Variants in ZGPAT observed in about 807,000 individuals in gnomAD.
ZGPAT encodes zinc finger CCCH-type and G-patch domain containing.
Under a neutral mutation model 47.9 loss-of-function variants are expected in ZGPAT, and 39 were observed. The observed-to-expected ratio is 0.81, with a 90% CI of 0.63 to 1.06. ZGPAT has a LOEUF of 1.06. Among genes scored for constraint, ZGPAT ranks in the 50% least tolerant of loss-of-function variants. ZGPAT has a pLI of 0.00. For synonymous variants in ZGPAT, 348 were observed against 292.9 expected (o/e 1.19, Z -1.92); for missense variants, 717 against 681.4 (o/e 1.05, Z -0.58).
At chr20:63,713,442 G>A (rs2091691612) in intron 2 of ZGPAT, among the ~76,000 whole-genome samples, 1 of 151,844 alleles carries the variant, frequency 6.6e-6, no homozygotes. Flanking sequence ...ATGTAGCCAG[G>A]ATGGTCTCGA....
chr20:63,734,971 CG>C, intron 5 of ZGPAT, 147 bp downstream of exon 5: 2 of 1,323,492 alleles, frequency 1.5e-6, no homozygotes. Context: ...CTCAGATTCC[CG>C]GGGTCCCGCG....
At chr20:63,726,492 C>T (rs1365364277) in intron 2 of ZGPAT, among the ~76,000 whole-genome samples, 1 of 147,430 alleles carries the variant, frequency 6.8e-6, no homozygotes, top group African/African-American at 2.5e-5. Context: ...TGAGCCCGGC[C>T]TTGAATTTTT....
chr20:63,733,433 C>T, intron 3 of ZGPAT, 81 bp downstream of exon 3: 1 of 1,598,048 alleles, frequency 6.3e-7, no homozygotes, highest in South Asian at 1.1e-5. Flanking sequence ...CTCCCTGCTT[C>T]CTTTGGGTTG....
At chr20:63,715,244 CT>C (rs34013765) in intron 2 of ZGPAT, among the ~76,000 whole-genome samples, 190 of 136,682 alleles carry the variant, frequency 1.4e-3, no homozygotes, top group Admixed American at 1.6e-3. Context: ...TTTTCTTTTT[CT>C]TTTTTTTTTT....
chr20:63,729,175 C>T (rs185027688), intron 2 of ZGPAT, among the ~76,000 whole-genome samples: 11 of 151,928 alleles, frequency 7.2e-5, no homozygotes, highest in South Asian at 2.1e-4. Flanking sequence ...TAATTATAGG[C>T]GCACGCCATC....
Position 63,735,374 on chromosome 20 carries a change from C to A in ZGPAT, c.1207C>A (p.Gln403Lys). The stretch of plus-strand genomic sequence containing the variant: ...GTTTGACTTCCTCAATGAAAAGCTG[C>A]AAGGTCAGGCTCCTGGGGCCCTAGA... ...NVFDFLNEKL[Q>K]GQAPGALEAG... is the part of the protein sequence containing the mutation. Residue 403 changes from glutamine to lysine, a missense_variant, in exon 6 of 7, where the codon CAA becomes AAA. Gln to Lys is a moderately conservative substitution (Grantham distance 53, BLOSUM62 1). Coordinates refer to ENST00000355969, the MANE Select transcript of ZGPAT (RefSeq NM_181485.3). 1 of 1,552,530 alleles carries A rather than the reference C, an allele frequency of 6.4e-7. No homozygotes were observed. Among genetic ancestry groups the A allele is most frequent in the Non-Finnish European group, 8.7e-7 (1 of 1,151,638 alleles).
chr20:63,708,626 C>T lies in ZGPAT; in HGVS notation c.46C>T (p.Gln16Ter). 1 of 1,611,478 alleles carries T rather than the reference C, an allele frequency of 6.2e-7. No individual in the cohort carries two copies. Among genetic ancestry groups the T allele is most frequent in the Non-Finnish European group, 8.5e-7 (1 of 1,179,090 alleles). The change falls in exon 2 of 7, where the codon CAG becomes TAG. Residue 16 changes from glutamine to a stop codon, truncating the protein, a stop_gained. Coordinates refer to ENST00000355969, the MANE Select transcript of ZGPAT (RefSeq NM_181485.3). LOFTEE classifies it high-confidence loss of function. ...LESALQTYRA[Q>*]LQQVELALGA... is the part of the protein sequence containing the mutation. ...GTCGGCCTTGCAGACCTACCGTGCG[C>T]AGCTGCAGCAGGTGGAGCTGGCCTT...
intron 2 of ZGPAT, among the ~76,000 whole-genome samples, chr20:63,721,723 A>G (rs530430446): frequency 6.6e-6 from 1 of 152,078 alleles, no homozygotes; most frequent in Non-Finnish European, 1.5e-5. Context: ...ATCTACCTGT[A>G]AATGCCTTCA....
At chr20:63,712,220 T>A (rs1419488839) in intron 2 of ZGPAT, among the ~76,000 whole-genome samples, 1 of 152,208 alleles carries the variant, frequency 6.6e-6, no homozygotes, top group Admixed American at 6.5e-5. Context: ...CTTTTGCATG[T>A]GGATTTCCAG....
In ZGPAT at chr20:63,734,754, T is replaced by G. The variant is rs1437007342; in HGVS notation, c.921T>G (p.Ala307=). Residue 307 remains alanine, a synonymous_variant, in exon 5 of 7, where the codon GCT becomes GCG. Transcript: ENST00000355969. ...VDSGTCSSAF[A]GWEVHTRGIG... ...CTGGGACCTGCAGCTCTGCCTTTGC[T>G]GGCTGGGAGGTGCACACGCGAGGTA... 6.2e-7 allele frequency: 1 copy of G among 1,613,854 alleles called. No homozygotes were observed. Among genetic ancestry groups the G allele is most frequent in the Non-Finnish European group, 8.5e-7 (1 of 1,179,932 alleles).
In ZGPAT at chr20:63,735,286, C is replaced by G; in HGVS notation, c.1119C>G (p.Asn373Lys). The G allele has an allele frequency of 6.2e-7, 1 of 1,605,758 alleles. No individual in the cohort carries two copies. Among genetic ancestry groups the G allele is most frequent in the Non-Finnish European group, 8.5e-7 (1 of 1,176,210 alleles). The change falls in exon 6 of 7, where the codon AAC becomes AAG. Residue 373 changes from asparagine (N) to lysine (K), a missense_variant. Physicochemically the swap from Asn to Lys is moderately conservative, Grantham distance 94. Coordinates refer to ENST00000355969, the MANE Select transcript of ZGPAT (RefSeq NM_181485.3). The stretch of plus-strand genomic sequence containing the variant: ...CCAGGGTTGGCAAGGCTGGCACCAA[C>G]AAGCCCCCCAGGTGCCGGGGAAGAG... ...KQTRVGKAGT[N>K]KPPRCRGRGA...
chr20:63,732,411 T>TGTGTGTGGGTGAGGGCCTGTGTGTGCGC, intron 2 of ZGPAT, among the ~76,000 whole-genome samples: 1 of 30,984 alleles, frequency 3.2e-5, no homozygotes, highest in East Asian at 4.4e-4. Context: ...TGTGTGTGCG[T>TGTGTGTGGGTGAGGGCCTGTGTGTGCGC]GTGTGTGGGT....
intron 2 of ZGPAT, among the ~76,000 whole-genome samples, chr20:63,709,838 C>T (rs563009325): frequency 2.0e-5 from 3 of 152,124 alleles, no homozygotes; most frequent in African/African-American, 4.8e-5. Context: ...CTACTACACC[C>T]AGCTAATTTT....
chr20:63,709,535 G>A (rs1356856113), intron 2 of ZGPAT, among the ~76,000 whole-genome samples: 1 of 152,180 alleles, frequency 6.6e-6, no homozygotes, highest in African/African-American at 2.4e-5. Flanking sequence ...TACTCAGGAG[G>A]CTGAGGCAGG....
chr20:63,731,433 G>A (rs1198356671), intron 2 of ZGPAT, among the ~76,000 whole-genome samples: 3 of 150,638 alleles, frequency 2.0e-5, no homozygotes, highest in East Asian at 3.9e-4. Context: ...GTGCATACGT[G>A]TGTAAAGTGT....
chr20:63,720,196 C>T (rs2091773309), intron 2 of ZGPAT, among the ~76,000 whole-genome samples: 1 of 151,684 alleles, frequency 6.6e-6, no homozygotes, highest in African/African-American at 2.4e-5. Context: ...CACTCTATAG[C>T]CTAGGCTGGA....
chr20:63,736,116 C>T lies in ZGPAT; in HGVS notation c.*197C>T. On this transcript the variant is annotated 3_prime_UTR_variant, in exon 7 of 7. Transcript: ENST00000355969. ...GTCTTGGGCATTTCCTTGGCAAGGA[C>T]ATTAAAGTGATTTCATCACAGTGTC... 3 of 734,770 alleles carry T rather than the reference C, an allele frequency of 4.1e-6. No homozygotes were observed. The highest frequency in any genetic ancestry group is 6.7e-6 in the Non-Finnish European group (3 of 450,842). 45.5% of individuals were successfully genotyped at this position (734,770 alleles called of 1,614,324 possible).
rs567386408 is a variant in ZGPAT at position 63,711,832 on chromosome 20, G to A, written c.584+2668G>A. Among the ~76,000 whole-genome samples, 16 of 152,168 alleles carry A rather than the reference G, an allele frequency of 1.1e-4. No homozygotes were observed. The South Asian group carries it at 1.7e-3, about 16-fold the overall frequency. On this transcript the variant is annotated intron_variant, in intron 2 of 6. Transcript: ENST00000355969. ...CGAACTCTTGACCTCAGGTGATCCC[G>A]CCTTGGTTTCCCAAAGTGCTGGGAT... is the stretch of plus-strand genomic sequence containing the variant.
intron 2 of ZGPAT, among the ~76,000 whole-genome samples, chr20:63,709,797 G>GC (rs112000427): frequency 7.9e-5 from 12 of 151,868 alleles, no homozygotes; most frequent in Non-Finnish European, 1.3e-4. Context: ...TCCTGCCTCA[G>GC]CCCCCCTAGG....
Sources: gnomAD v4.1 joint callset for allele counts (sites outside exome capture counted in the v4.1 genomes callset) on GRCh38, gnomAD v4.1.1 for gene constraint, MANE v1.5 for transcripts, NCBI Gene and HGNC (gene_info 2026-07-23, HGNC 2026-07-21) for gene names.